The following FMN1 variants were observed in gnomAD, a reference collection of about 807,000 sequenced individuals.
The protein encoded by FMN1 is formin 1.
Under a neutral mutation model 132.4 loss-of-function variants are expected in FMN1, and 110 were observed. That is an observed-to-expected ratio of 0.83 (90% CI 0.71 to 0.97). The LOEUF (loss-of-function observed/expected upper bound fraction) is 0.97, where lower values mean the gene tolerates loss of function less well. Among genes scored for constraint, FMN1 ranks in the 50% least tolerant of loss-of-function variants. The pLI is 0.00. For missense variants in FMN1, 1,792 were observed against 1,705.3 expected (o/e 1.05, Z -0.90); for synonymous variants, 722 against 651.7 (o/e 1.11, Z -1.64).
chr15:33,176,387 T>G (rs1441035920), intron 3 of FMN1, among the ~76,000 whole-genome samples: 1 of 151,372 alleles, frequency 6.6e-6, no homozygotes, highest in Non-Finnish European at 1.5e-5. Context: ...GCACCTATAG[T>G]CCCAGCTACT....
chr15:33,000,051 A>G (rs1387055578), intron 7 of FMN1, among the ~76,000 whole-genome samples: 1 of 152,184 alleles, frequency 6.6e-6, no homozygotes, highest in Non-Finnish European at 1.5e-5. Context: ...CTACATTCAG[A>G]GTGTAACTGA....
intron 17 of FMN1, among the ~76,000 whole-genome samples, chr15:32,856,636 C>T (rs2059137910): frequency 6.6e-6 from 1 of 152,190 alleles, no homozygotes; most frequent in Admixed American, 6.5e-5. Context: ...GATCACCATC[C>T]ACCTGTCCAG....
Position 32,899,966 on chromosome 15 carries a change from G to A in FMN1, c.3654+13C>T, listed in dbSNP as rs967798381. On this transcript the variant is annotated intron_variant, in intron 14 of 20. Coordinates refer to ENST00000616417, the MANE Select transcript of FMN1 (RefSeq NM_001277313.2). ...ATGGCAGATCATGGGAACTTATTAT[G>A]AAAAATAAATACCCGACTTTTGACA... is the stretch of plus-strand genomic sequence containing the variant. The A allele has an allele frequency of 5.0e-6, 8 of 1,609,916 alleles. No individual in the cohort carries two copies. The highest frequency in any genetic ancestry group is 2.2e-5 in the East Asian group (1 of 44,888).
At chr15:33,042,916 A>G (rs1004680495) in intron 6 of FMN1, among the ~76,000 whole-genome samples, 1 of 152,178 alleles carries the variant, frequency 6.6e-6, no homozygotes, top group Non-Finnish European at 1.5e-5. Context: ...CCCAATCATT[A>G]TAACACACTG....
intron 4 of FMN1, among the ~76,000 whole-genome samples, chr15:33,125,156 T>C (rs1310661010): frequency 1.3e-5 from 2 of 152,054 alleles, no homozygotes; most frequent in African/African-American, 4.8e-5. Flanking sequence ...GAATGCAGAG[T>C]TTGAATCCCT....
chr15:32,926,303 A>G (rs1567405967), intron 9 of FMN1, 42 bp from the exon 10 acceptor site: 1 of 1,152,152 alleles, frequency 8.7e-7, no homozygotes, highest in Non-Finnish European at 1.2e-6. Context: ...AGCTCAAATG[A>G]CCATGCAGTC....
At chr15:33,021,915 A>G (rs998534850) in intron 6 of FMN1, among the ~76,000 whole-genome samples, 9 of 152,216 alleles carry the variant, frequency 5.9e-5, no homozygotes, top group African/African-American at 2.2e-4. Flanking sequence ...CACAAAACAA[A>G]TCTTCTAGAA....
intron 6 of FMN1, among the ~76,000 whole-genome samples, chr15:33,059,014 G>T (rs1448062729): frequency 6.6e-6 from 1 of 152,040 alleles, no homozygotes; most frequent in Non-Finnish European, 1.5e-5. Flanking sequence ...CTAAAATGTT[G>T]TGCCCTTTGA....
At chr15:32,795,659 C>T (rs1398751015) in intron 19 of FMN1, among the ~76,000 whole-genome samples, 1 of 151,716 alleles carries the variant, frequency 6.6e-6, no homozygotes, top group Non-Finnish European at 1.5e-5. Context: ...TCTTTTTTTA[C>T]ACTGCTCAGC....
intron 6 of FMN1, among the ~76,000 whole-genome samples, chr15:33,038,026 C>T (rs1208910420): frequency 6.6e-6 from 1 of 152,186 alleles, no homozygotes; most frequent in Non-Finnish European, 1.5e-5. Flanking sequence ...AGTTTGAGGC[C>T]AGCCTGGCCA....
In FMN1 at chr15:32,964,179, GAATA is replaced by G. The variant is rs774589876; in HGVS notation, c.3062_3065del (p.Leu1021SerfsTer41). ...TCTTCTGTTGAGTTGTGTCTTTGGA[GAATA>G]AATACTCAAATTCACTGGGGTCCCG... On this transcript the variant is annotated frameshift_variant, in exon 9 of 21. Coordinates refer to ENST00000616417, the MANE Select transcript of FMN1 (RefSeq NM_001277313.2). LOFTEE classifies it high-confidence loss of function. The G allele has an allele frequency of 6.2e-7, 1 of 1,612,770 alleles. No individual in the cohort carries two copies. Among genetic ancestry groups the G allele is most frequent in the South Asian group, 1.1e-5 (1 of 90,998 alleles).
chr15:33,154,606 GCTCAGGAGATTGGTTAGCAGT>G lies in FMN1; in HGVS notation c.288_308del (p.Arg96_Leu102del), dbSNP rs760315167. 16 of 1,536,100 alleles carry G rather than the reference GCTCAGGAGATTGGTTAGCAGT, an allele frequency of 1.0e-5. 1 individual carries two copies. In the South Asian group the frequency reaches 1.9e-4, roughly 18 times the overall value. ...TCGTGATCCCCAGGATGTGGTCTGA[GCTCAGGAGATTGGTTAGCAGT>G]CTCTCCCTCTCTGTTGTGAGTTTGT... On this transcript the variant is annotated inframe_deletion, in exon 4 of 21. Transcript: ENST00000616417.
intron 20 of FMN1, 28 bp from the exon 21 acceptor site, chr15:32,774,382 CA>C: frequency 6.5e-7 from 1 of 1,539,572 alleles, no homozygotes; most frequent in South Asian, 1.2e-5. Flanking sequence ...ATGAATGTAT[CA>C]TTTTCTTTCA....
intron 6 of FMN1, among the ~76,000 whole-genome samples, chr15:33,011,825 A>G (rs978163619): frequency 1.3e-5 from 2 of 152,196 alleles, no homozygotes; most frequent in Admixed American, 6.5e-5. Context: ...TATACAAATA[A>G]TAACTATGTT....
At chr15:32,994,562 T>C (rs937851184) in intron 7 of FMN1, among the ~76,000 whole-genome samples, 1 of 152,202 alleles carries the variant, frequency 6.6e-6, no homozygotes, top group African/African-American at 2.4e-5. Context: ...CTGGTTATTT[T>C]ATCAATATCT....
chr15:32,972,328 T>C (rs532931246), intron 7 of FMN1, among the ~76,000 whole-genome samples: 1 of 152,304 alleles, frequency 6.6e-6, no homozygotes, highest in South Asian at 2.1e-4. Flanking sequence ...TAAATTCCTT[T>C]AGCTATGGCA....
At chr15:33,056,358 A>T (rs2037215633) in intron 6 of FMN1, among the ~76,000 whole-genome samples, 1 of 152,238 alleles carries the variant, frequency 6.6e-6, no homozygotes, top group Non-Finnish European at 1.5e-5. Flanking sequence ...TCCTGGGCCA[A>T]AGCAGGCTGA....
chr15:32,851,959 T>A lies in FMN1; in HGVS notation c.3928+5056A>T, dbSNP rs145307679. Among the ~76,000 whole-genome samples, 966 of 152,350 alleles carry A rather than the reference T, an allele frequency of 6.3e-3. 7 individuals are homozygous for A. The highest frequency in any genetic ancestry group is 0.022 in the African/African-American group (921 of 41,562). ...GAATTAGCTTTCTTGCAAAACACTCTGTATAAGCTGTGCTGTAGAAGTACA... is the reference window on the plus strand; with the variant it reads ...GAATTAGCTTTCTTGCAAAACACTCAGTATAAGCTGTGCTGTAGAAGTACA... On this transcript the variant is annotated intron_variant, in intron 17 of 20. Coordinates refer to ENST00000616417, the MANE Select transcript of FMN1 (RefSeq NM_001277313.2).
Position 33,186,698 on chromosome 15 carries a change from G to A in FMN1, c.-196-6436C>T, listed in dbSNP as rs116672271. 8.7e-3 allele frequency among the ~76,000 whole-genome samples: 1,324 copies of A among 152,126 alleles called. 11 individuals carry two copies. Among genetic ancestry groups the A allele is most frequent in the African/African-American group, 0.029 (1,205 of 41,484 alleles). ...CCATTCTTAAGTTTCTCTTGGTTGC[G>A]AGCAAATGAAACTGATTTTGGCTAC... On this transcript the variant is annotated intron_variant, in intron 2 of 20. Transcript: ENST00000616417.
Sources: gnomAD v4.1 joint callset for allele counts (sites outside exome capture counted in the v4.1 genomes callset) on GRCh38, gnomAD v4.1.1 for gene constraint, MANE v1.5 for transcripts, NCBI Gene and HGNC (gene_info 2026-07-23, HGNC 2026-07-21) for gene names.